CLSTN3: variants seen among roughly 807,000 people sequenced by gnomAD.
CLSTN3 encodes calsyntenin 3.
In CLSTN3, 36 loss-of-function variants were observed where a neutral mutation model predicts 95.9. The ratio of observed to expected loss-of-function variants is 0.38; its 90% CI spans 0.29 to 0.50. The LOEUF (loss-of-function observed/expected upper bound fraction) is 0.50. CLSTN3 is among the 20% of genes least tolerant of loss of function. The probability of loss-of-function intolerance (pLI) is 0.95; values close to 1 mark genes in which losing one functional copy is unlikely to be tolerated. For missense variants in CLSTN3, 1,084 were observed against 1,268.8 expected (o/e 0.85, Z 2.21); for synonymous variants, 481 against 504.0 (o/e 0.95, Z 0.61).
At chr12:7,131,826 A>G (rs999160465) in intron 1 of CLSTN3, 25 of 456,240 alleles carry the variant, frequency 5.5e-5, no homozygotes, top group African/African-American at 5.0e-4. Flanking sequence ...GGAAGGGGTT[A>G]TGGTGGTCAT....
In CLSTN3 at chr12:7,158,367, A is replaced by G. The variant is rs1050686540; in HGVS notation, c.*286A>G. ...GACTTCAGCTGCCTTTCTACCCCCA[A>G]TGGCAGCTGCCCCCTTAGCACTCAC... is the stretch of plus-strand genomic sequence containing the variant. On this transcript the variant is annotated 3_prime_UTR_variant, in exon 18 of 18. Coordinates refer to ENST00000266546, the MANE Select transcript of CLSTN3 (RefSeq NM_014718.4). The G allele has an allele frequency of 9.2e-5, 24 of 261,904 alleles. No individual in the cohort carries two copies. The highest frequency in any genetic ancestry group is 1.3e-4 in the Non-Finnish European group (18 of 135,812). 16.2% of individuals were successfully genotyped at this position (261,904 alleles called of 1,614,324 possible).
At chr12:7,140,358 G>A (rs1939505088) in intron 8 of CLSTN3, among the ~76,000 whole-genome samples, 1 of 152,182 alleles carries the variant, frequency 6.6e-6, no homozygotes, top group African/African-American at 2.4e-5. Flanking sequence ...TCAGAGGAGA[G>A]TTATGGGCTG....
At chr12:7,152,651 T>A (rs1233308411) in intron 16 of CLSTN3, among the ~76,000 whole-genome samples, 1 of 152,180 alleles carries the variant, frequency 6.6e-6, no homozygotes, top group East Asian at 1.9e-4. Flanking sequence ...TGGGTAATAA[T>A]AATTATAACA....
rs769957190 is a variant in CLSTN3 at position 7,136,598 on chromosome 12, G to A, written c.928+207G>A. ...TAGTCATCGCACCAGACAGTCACCG[G>A]ATGCATGGTGGAACAATGGTAGGGC... is the stretch of plus-strand genomic sequence containing the variant. On this transcript the variant is annotated intron_variant, in intron 6 of 17. Transcript: ENST00000266546. 3.3e-5 allele frequency among the ~76,000 whole-genome samples: 5 copies of A among 152,356 alleles called. No homozygotes were observed. The South Asian group carries it at 1.0e-3, about 32-fold the overall frequency.
intron 16 of CLSTN3, chr12:7,156,617 G>T (rs1242196981): frequency 2.2e-6 from 1 of 456,640 alleles, no homozygotes; most frequent in East Asian, 7.0e-5. Flanking sequence ...GTGGGGCGTG[G>T]CAACCTTTGT....
intron 1 of CLSTN3, 29 bp downstream of exon 1, chr12:7,130,741 A>G (rs1365044890): frequency 1.3e-6 from 2 of 1,519,122 alleles, no homozygotes; most frequent in Admixed American, 3.9e-5. Flanking sequence ...GGGGTACCGA[A>G]AGAGGGGCGT....
Position 7,131,407 on chromosome 12 carries a change from G to T in CLSTN3, c.64+695G>T, listed in dbSNP as rs939999534. 1.8e-5 allele frequency: 4 copies of T among 220,126 alleles called. No individual in the cohort carries two copies. In the South Asian group the frequency reaches 2.4e-4, roughly 13 times the overall value. The allele number at this position is 220,126 out of a possible 1,614,324, so 13.6% of individuals were successfully genotyped here. A position where few individuals can be genotyped will look rare whatever the true frequency, so the allele number is the denominator to read the frequency against. On this transcript the variant is annotated intron_variant, in intron 1 of 17. Transcript: ENST00000266546. ...AGGAAAGGGCAGAAGTGGGTGTGTG[G>T]GGGGCGCTAAATGAGTATGAGAGGG...
chr12:7,142,805 C>A, intron 10 of CLSTN3, 64 bp from the exon 11 acceptor site: 5 of 1,475,146 alleles, frequency 3.4e-6, no homozygotes, highest in Non-Finnish European at 9.4e-7. Flanking sequence ...TTTCTCTCAG[C>A]CTTCGTCCTT....
chr12:7,147,173 T>G (rs1425618896), intron 12 of CLSTN3, among the ~76,000 whole-genome samples: 2 of 151,918 alleles, frequency 1.3e-5, no homozygotes, highest in Non-Finnish European at 2.9e-5. Flanking sequence ...GTGGGGAAAC[T>G]TCTTTACAGA....
At chr12:7,151,849 T>C (rs1939728857) in intron 16 of CLSTN3, among the ~76,000 whole-genome samples, 1 of 152,060 alleles carries the variant, frequency 6.6e-6, no homozygotes, top group South Asian at 2.1e-4. Flanking sequence ...GTCCAGGAGT[T>C]TGAGACCAGC....
chr12:7,142,551 TG>T (rs1442118488), intron 10 of CLSTN3, among the ~76,000 whole-genome samples: 9 of 152,108 alleles, frequency 5.9e-5, no homozygotes, highest in African/African-American at 2.2e-4. Context: ...TCTTTCCTCC[TG>T]TTGGTCCTGT....
intron 16 of CLSTN3, among the ~76,000 whole-genome samples, chr12:7,152,062 A>G (rs1373114307): frequency 2.0e-5 from 3 of 151,398 alleles, no homozygotes; most frequent in South Asian, 4.1e-4. Context: ...TCAAAGGAAA[A>G]AAAAAAAAAA....
At chr12:7,144,498 T>C (rs1939588802) in intron 12 of CLSTN3, among the ~76,000 whole-genome samples, 1 of 152,216 alleles carries the variant, frequency 6.6e-6, no homozygotes, top group Admixed American at 6.5e-5. Flanking sequence ...CTACATGATA[T>C]AATCTGGATC....
intron 16 of CLSTN3, chr12:7,156,043 G>A (rs1939809226): frequency 1.1e-5 from 4 of 354,450 alleles, no homozygotes; most frequent in Middle Eastern, 2.0e-3. Context: ...GGTAATTTGC[G>A]GACGGGGCTG....
At chr12:7,134,006 G>A in intron 3 of CLSTN3, 1 of 430,436 alleles carries the variant, frequency 2.3e-6, no homozygotes, top group South Asian at 5.5e-5. Flanking sequence ...ATGACCTTGG[G>A]CAGCCTAGCC....
chr12:7,153,016 G>A (rs1169076597), intron 16 of CLSTN3, among the ~76,000 whole-genome samples: 1 of 152,202 alleles, frequency 6.6e-6, no homozygotes, highest in Non-Finnish European at 1.5e-5. Context: ...ACTGAGGCCA[G>A]CTCCTCTGAT....
chr12:7,132,262 A>G, intron 1 of CLSTN3: 1 of 240,148 alleles, frequency 4.2e-6, no homozygotes, highest in Non-Finnish European at 8.4e-6. Flanking sequence ...AGGACATAGA[A>G]ATGTGTCGGT....
chr12:7,131,805 C>G (rs761834297), intron 1 of CLSTN3: 16 of 456,530 alleles, frequency 3.5e-5, no homozygotes, highest in African/African-American at 3.0e-4. Context: ...TGGCTTTCTC[C>G]TCAGCATTCA....
At chr12:7,143,737 G>A (rs766150715) in intron 12 of CLSTN3, among the ~76,000 whole-genome samples, 1 of 152,202 alleles carries the variant, frequency 6.6e-6, no homozygotes, top group Non-Finnish European at 1.5e-5. Context: ...CTCTTGCAAG[G>A]TCACGTACGA....
Sources: gnomAD v4.1 joint callset for allele counts (sites outside exome capture counted in the v4.1 genomes callset) on GRCh38, gnomAD v4.1.1 for gene constraint, MANE v1.5 for transcripts, NCBI Gene and HGNC (gene_info 2026-07-23, HGNC 2026-07-21) for gene names.